Variants in SFMBT2 observed in about 807,000 individuals in gnomAD.
The protein encoded by SFMBT2 is Scm like with four mbt domains 2, also known as scm-like with four MBT domains protein 2.
In SFMBT2, 38 loss-of-function variants were observed where a neutral mutation model predicts 110.1. The ratio of observed to expected loss-of-function variants is 0.35; its 90% confidence interval spans 0.27 to 0.45. The LOEUF (loss-of-function observed/expected upper bound fraction) is 0.45. Ranked by LOEUF, SFMBT2 falls within the 20% of genes least tolerant of loss-of-function variation. The pLI is 1.00. For missense variants in SFMBT2, 1,011 were observed against 1,094.9 expected (o/e 0.92, Z 1.08); for synonymous variants, 425 against 425.4 (o/e 1.00, Z 0.01).
In SFMBT2 at chr10:7,392,983, TTATATATATATATATATATATATATATA is replaced by T. The variant is rs760008467; in HGVS notation, c.-51-11062_-51-11035del. Among the ~76,000 whole-genome samples, 157 of 59,968 alleles carry T rather than the reference TTATATATATATATATATATATATATATA, an allele frequency of 2.6e-3. 2 individuals carry two copies. The highest frequency in any genetic ancestry group is 9.8e-3 in the East Asian group (10 of 1,016). The allele number at this position is 59,968 out of a possible 152,430, so 39.3% of individuals were successfully genotyped here. A position where few individuals can be genotyped will look rare whatever the true frequency, so the allele number is the denominator to read the frequency against. ...CTATATATACAAGTATGTGGATAGA[TTATATATATATATATATATATATATATA>T]TATATATATATATATATATATATAA... On this transcript the variant is annotated intron_variant, in intron 1 of 20. Transcript: ENST00000397167.
intron 20 of SFMBT2, among the ~76,000 whole-genome samples, chr10:7,164,783 ACACACACAC>A (rs1564361613): frequency 2.0e-5 from 3 of 147,426 alleles, no homozygotes; most frequent in African/African-American, 5.3e-5. Flanking sequence ...ACACACACAC[ACACACACAC>A]CATTTACAGA....
intron 4 of SFMBT2, among the ~76,000 whole-genome samples, chr10:7,358,029 T>G (rs1158187051): frequency 1.3e-5 from 2 of 152,044 alleles, no homozygotes; most frequent in Non-Finnish European, 2.9e-5. Context: ...CTAGAACATC[T>G]GCATGGCCCA....
At position 7,197,513 on chromosome 10, in the gene SFMBT2, T is replaced by C. The variant is rs758058848; in HGVS notation, c.1698+35A>G. ...CCCACAGCTTTTTAAAAAATCCTGT[T>C]AAAATAAGCCAAGGTGATTGTGCAC... On this transcript the variant is annotated intron_variant, in intron 15 of 20. Coordinates refer to ENST00000397167, the MANE Select transcript of SFMBT2 (RefSeq NM_001387889.1). 4 of 1,597,734 alleles carry C rather than the reference T, an allele frequency of 2.5e-6. No individual in the cohort carries two copies. In the South Asian group the frequency reaches 4.4e-5, roughly 18 times the overall value.
intron 20 of SFMBT2, chr10:7,164,356 A>T: frequency 1.1e-6 from 1 of 913,986 alleles, no homozygotes; most frequent in Non-Finnish European, 1.3e-6. Context: ...ACTGCCCTCC[A>T]GCCTGGGCAA....
chr10:7,163,535 GCA>G lies in SFMBT2; in HGVS notation c.*233_*234del. ...GAGCCAAGAAGCAGGCCCACGTCTG[GCA>G]GGGTCTGATGCATGACTTTAACTGG... On this transcript the variant is annotated 3_prime_UTR_variant, in exon 21 of 21. Transcript: ENST00000397167. The surrounding 1 kb of genome is among the most constrained non-coding windows in gnomAD (Gnocchi z 4.8). The G allele has an allele frequency of 2.2e-6, 1 of 454,592 alleles. No individual in the cohort carries two copies. 28.2% of individuals were successfully genotyped at this position (454,592 alleles called of 1,614,324 possible). A position where few individuals can be genotyped will look rare whatever the true frequency, so the allele number is the denominator to read the frequency against.
At chr10:7,256,879 G>A (rs181027405) in intron 7 of SFMBT2, among the ~76,000 whole-genome samples, 2 of 152,206 alleles carry the variant, frequency 1.3e-5, no homozygotes, top group African/African-American at 4.8e-5. Context: ...AATCACTGAG[G>A]TCAGGAGTTT....
At chr10:7,322,707 A>G (rs1843234154) in intron 4 of SFMBT2, among the ~76,000 whole-genome samples, 1 of 152,180 alleles carries the variant, frequency 6.6e-6, no homozygotes, top group Admixed American at 6.5e-5. Context: ...GGGGAGGCGA[A>G]TGGACAAAGG....
At chr10:7,377,494 C>G (rs1307057413) in intron 2 of SFMBT2, among the ~76,000 whole-genome samples, 1 of 152,168 alleles carries the variant, frequency 6.6e-6, no homozygotes, top group Non-Finnish European at 1.5e-5. Context: ...TGAAATAATA[C>G]TGTAACTCAC....
rs1290034936 is a variant in SFMBT2, at chr10:7,408,076, A to G, written c.-52+2785T>C. Among the ~76,000 whole-genome samples, 1 of 152,236 alleles carries G rather than the reference A, an allele frequency of 6.6e-6. No individual in the cohort carries two copies. Among genetic ancestry groups the G allele is most frequent in the Non-Finnish European group, 1.5e-5 (1 of 68,036 alleles). On this transcript the variant is annotated intron_variant, in intron 1 of 20. Transcript: ENST00000397167. This position sits in a 1 kb window ranked among gnomAD's most constrained non-coding sequence, Gnocchi z 5.7. The stretch of plus-strand genomic sequence containing the variant: ...CTTCCACGGCACGGCCTCGTGCAAA[A>G]TCGCGGGTTTCGGGGCCTTGGAGCA...
intron 6 of SFMBT2, among the ~76,000 whole-genome samples, chr10:7,277,221 T>C (rs1232277965): frequency 3.9e-5 from 6 of 152,184 alleles, no homozygotes; most frequent in Non-Finnish European, 7.3e-5. Flanking sequence ...ATAGAGCTCT[T>C]CTTCAGGGAA....
At chr10:7,372,631 A>C (rs549666273) in intron 2 of SFMBT2, among the ~76,000 whole-genome samples, 18 of 152,314 alleles carry the variant, frequency 1.2e-4, no homozygotes, top group Admixed American at 2.6e-4. Context: ...CTAGAGAGAA[A>C]GCAGCCGTCT....
chr10:7,357,313 T>G (rs542016864), intron 4 of SFMBT2, among the ~76,000 whole-genome samples: 95 of 152,270 alleles, frequency 6.2e-4, no homozygotes, highest in Non-Finnish European at 1.2e-3. Context: ...TGTGAAGGTG[T>G]TGTTGGATGC....
intron 14 of SFMBT2, among the ~76,000 whole-genome samples, chr10:7,199,517 TAAAAG>T (rs1207057717): frequency 6.6e-6 from 1 of 152,178 alleles, no homozygotes; most frequent in East Asian, 1.9e-4. Context: ...CTTCTGGATA[TAAAAG>T]AAAAGGAGTA....
chr10:7,178,163 CT>C (rs1373378678), intron 16 of SFMBT2, among the ~76,000 whole-genome samples: 1 of 152,218 alleles, frequency 6.6e-6, no homozygotes, highest in Admixed American at 6.5e-5. Flanking sequence ...CCCGGACTGC[CT>C]GCCTGCACCT....
chr10:7,224,564 T>C (rs1005304059), intron 10 of SFMBT2, among the ~76,000 whole-genome samples: 3 of 152,180 alleles, frequency 2.0e-5, no homozygotes, highest in Non-Finnish European at 2.9e-5. Flanking sequence ...AATTCTCCCA[T>C]GCTATTCCCT....
chr10:7,204,821 C>T (rs978975317), intron 12 of SFMBT2: 39 of 429,514 alleles, frequency 9.1e-5, no homozygotes, highest in East Asian at 1.6e-4. Flanking sequence ...TGCAGAGAGC[C>T]GAGATAGCGC....
At chr10:7,244,043 G>T (rs1840526730) in intron 8 of SFMBT2, 3 of 892,580 alleles carry the variant, frequency 3.4e-6, no homozygotes, top group Non-Finnish European at 4.0e-6. Context: ...TTAGATGACA[G>T]CCAAGACAGG....
intron 1 of SFMBT2, among the ~76,000 whole-genome samples, chr10:7,392,109 G>A (rs1236531538): frequency 6.6e-6 from 1 of 152,162 alleles, no homozygotes; most frequent in African/African-American, 2.4e-5. Flanking sequence ...GGACACAGTT[G>A]AGGCTCATGA....
intron 9 of SFMBT2, among the ~76,000 whole-genome samples, chr10:7,228,766 CTCTCTCTCTCTCTCT>C (rs1840019152): frequency 9.7e-5 from 13 of 134,170 alleles, no homozygotes; most frequent in African/African-American, 1.8e-4. Context: ...CTCTCTCTCT[CTCTCTCTCTCTCTCT>C]CCCCCTCCCT....
Sources: gnomAD v4.1 joint callset for allele counts (sites outside exome capture counted in the v4.1 genomes callset) on GRCh38, gnomAD v4.1.1 for gene constraint, Gnocchi (gnomAD v3.1) non-coding constraint, MANE v1.5 for transcripts, NCBI Gene and HGNC (gene_info 2026-07-23, HGNC 2026-07-21) for gene names.